Variants in CROCC2 observed in about 807,000 individuals in gnomAD.
CROCC2 encodes the protein ciliary rootlet coiled-coil, rootletin family member 2.
CROCC2 carries 163 observed loss-of-function variants against 177.6 expected under a neutral mutation model. The observed-to-expected ratio is 0.92, with a 90% confidence interval of 0.81 to 1.05. CROCC2 has a LOEUF of 1.05. Among genes scored for constraint, CROCC2 ranks in the 50% least tolerant of loss-of-function variants. The pLI is 0.00. For synonymous variants in CROCC2, 904 were observed against 787.3 expected, an observed-to-expected ratio of 1.15 and a Z score of -2.48; for missense variants, 1,929 against 1,797.8, an observed-to-expected ratio of 1.07 and a Z score of -1.32.
At chr2:240,964,931 G>A (rs1449231905) in intron 22 of CROCC2, among the ~76,000 whole-genome samples, 1 of 152,226 alleles carries the variant, frequency 6.6e-6, no homozygotes, top group Non-Finnish European at 1.5e-5. Flanking sequence ...AGCAGCACAC[G>A]GAAGTATCCT....
At chr2:240,984,328 G>A (rs1390012829) in intron 28 of CROCC2, among the ~76,000 whole-genome samples, 1 of 152,044 alleles carries the variant, frequency 6.6e-6, no homozygotes, top group Non-Finnish European at 1.5e-5. Flanking sequence ...CCATTCGCGG[G>A]GAGATGAGGG....
intron 1 of CROCC2, among the ~76,000 whole-genome samples, chr2:240,912,300 C>T (rs1214663539): frequency 6.6e-6 from 1 of 152,174 alleles, no homozygotes; most frequent in Non-Finnish European, 1.5e-5. Flanking sequence ...CGGGCACAGA[C>T]CCACAGTTTA....
intron 20 of CROCC2, chr2:240,963,165 G>T: frequency 4.8e-6 from 1 of 207,132 alleles, no homozygotes; most frequent in Non-Finnish European, 9.8e-6. Flanking sequence ...TGTCACCTAA[G>T]GAGAGGACTA....
chr2:240,959,520 G>A, intron 20 of CROCC2, 76 bp downstream of exon 20: 1 of 1,464,068 alleles, frequency 6.8e-7, no homozygotes, highest in Non-Finnish European at 9.2e-7. Context: ...AGAGAGGAGA[G>A]AGTGGGGGTG....
chr2:240,945,993 G>A, intron 14 of CROCC2, 67 bp from the exon 15 acceptor site: 1 of 1,250,498 alleles, frequency 8.0e-7, no homozygotes, highest in Non-Finnish European at 1.1e-6. Context: ...TTCCCCTCAA[G>A]AGGCCCATGC....
At chr2:240,928,676 G>A (rs1461431947) in intron 5 of CROCC2, among the ~76,000 whole-genome samples, 1 of 152,226 alleles carries the variant, frequency 6.6e-6, no homozygotes, top group Non-Finnish European at 1.5e-5. Context: ...GAGGCGGTGC[G>A]GCTGAAGCAA....
chr2:240,922,050 G>A (rs937883001), intron 3 of CROCC2, among the ~76,000 whole-genome samples: 21 of 152,306 alleles, frequency 1.4e-4, no homozygotes, highest in African/African-American at 5.1e-4. Flanking sequence ...AATCTCCAGG[G>A]GGCAGCCCCA....
intron 21 of CROCC2, chr2:240,964,211 G>C (rs2106479379): frequency 5.2e-6 from 3 of 575,514 alleles, no homozygotes; most frequent in South Asian, 4.1e-5. Context: ...TGACAGAGAG[G>C]GGGAGACAGG....
rs1348002805 is a variant in CROCC2, at chr2:240,960,019, C to T, written c.3087+575C>T. On this transcript the variant is annotated intron_variant, in intron 20 of 31. Transcript: ENST00000690015. This position sits in a 1 kb window ranked among gnomAD's most constrained non-coding sequence, Gnocchi z 5.0. ...CAGCCAAAGGCTCCAGGAGTCCAGC[C>T]GGCCCCCTCGTTCCACGCACAGTTA... Among the ~76,000 whole-genome samples, 4 of 152,254 alleles carry T rather than the reference C, an allele frequency of 2.6e-5. No homozygotes were observed. Among genetic ancestry groups the T allele is most frequent in the South Asian group, 4.1e-4 (2 of 4,838 alleles).
rs1395008820 is a variant in CROCC2 at position 240,918,274 on chromosome 2, T to C, written c.79-452T>C. Among the ~76,000 whole-genome samples the C allele has an allele frequency of 6.6e-6, 1 of 152,054 alleles. No individual in the cohort carries two copies. Among genetic ancestry groups the C allele is most frequent in the Non-Finnish European group, 1.5e-5 (1 of 67,992 alleles). On this transcript the variant is annotated intron_variant, in intron 1 of 31. Coordinates refer to ENST00000690015, the MANE Select transcript of CROCC2 (RefSeq NM_001351305.2). The surrounding 1 kb of genome is among the most constrained non-coding windows in gnomAD (Gnocchi z 6.3). ...CAAACACACTGGGCTCTGTGACTGC[T>C]GCGTGGGATCTAGGTCCCTCCTCTG...
chr2:240,913,490 C>A (rs182842470), intron 1 of CROCC2, among the ~76,000 whole-genome samples: 28 of 152,348 alleles, frequency 1.8e-4, no homozygotes, highest in African/African-American at 3.6e-4. Context: ...GTCTTCTGAG[C>A]AGGAGCAGTG....
At position 240,949,178 on chromosome 2, in the gene CROCC2, C is replaced by A; in HGVS notation, c.2482+81C>A. ...CCTGGAATGGAGCTCAGTGCCCACA[C>A]GTGCTGCACCCCCTCTCCGGAGCCC... On this transcript the variant is annotated intron_variant, in intron 16 of 31. Transcript: ENST00000690015. The surrounding 1 kb of genome is among the most constrained non-coding windows in gnomAD (Gnocchi z 4.5). 6.9e-7 allele frequency: 1 copy of A among 1,453,936 alleles called. No individual in the cohort carries two copies. The allele number at this position is 1,453,936 out of a possible 1,614,324, so 90.1% of individuals were successfully genotyped here.
chr2:240,993,093 CAGGGG>C lies in CROCC2; in HGVS notation c.*16_*20del. On this transcript the variant is annotated 3_prime_UTR_variant, in exon 32 of 32. Coordinates refer to ENST00000690015, the MANE Select transcript of CROCC2 (RefSeq NM_001351305.2). ...CCCAAAGGGACTGAAGCTCCCAGCA[CAGGGG>C]AGGCGCCCAGCGTGGCTGCAGAGGA... 1.4e-6 allele frequency: 1 copy of C among 716,904 alleles called. No individual in the cohort carries two copies. The allele number at this position is 716,904 out of a possible 1,614,324, so 44.4% of individuals were successfully genotyped here.
intron 1 of CROCC2, among the ~76,000 whole-genome samples, chr2:240,913,344 C>T (rs2059300042): frequency 6.6e-6 from 1 of 152,192 alleles, no homozygotes; most frequent in African/African-American, 2.4e-5. Context: ...TCCCACCTCC[C>T]CCAGGAAGCC....
chr2:240,925,915 C>G, intron 5 of CROCC2, 35 bp downstream of exon 5: 2 of 682,394 alleles, frequency 2.9e-6, no homozygotes, highest in Non-Finnish European at 5.5e-6. Context: ...TCATGGCGGC[C>G]GCCTGTCTGG....
chr2:240,935,903 T>C (rs1339019995), intron 14 of CROCC2, among the ~76,000 whole-genome samples: 3 of 152,256 alleles, frequency 2.0e-5, no homozygotes, highest in Non-Finnish European at 4.4e-5. Flanking sequence ...CTGTCTTGTT[T>C]CTCCCTGGTC....
chr2:240,927,861 G>A (rs2059403854), intron 5 of CROCC2, among the ~76,000 whole-genome samples: 1 of 152,338 alleles, frequency 6.6e-6, no homozygotes, highest in Middle Eastern at 3.4e-3. Context: ...ATGTTGACCA[G>A]GCTGGTCTCG....
intron 13 of CROCC2, 103 bp from the exon 14 acceptor site, chr2:240,935,255 G>A: frequency 8.1e-7 from 1 of 1,236,944 alleles, no homozygotes; most frequent in Non-Finnish European, 1.0e-6. Flanking sequence ...GGCCAGGCCT[G>A]AGGGAGGGAA....
intron 14 of CROCC2, among the ~76,000 whole-genome samples, chr2:240,940,949 TCC>T (rs1323429661): frequency 6.6e-6 from 1 of 152,066 alleles, no homozygotes; most frequent in African/African-American, 2.4e-5. Context: ...TAAAGACTCC[TCC>T]CAAAACCTCC....
Sources: gnomAD v4.1 joint callset for allele counts (sites outside exome capture counted in the v4.1 genomes callset) on GRCh38, gnomAD v4.1.1 for gene constraint, Gnocchi (gnomAD v3.1) non-coding constraint, MANE v1.5 for transcripts, NCBI Gene and HGNC (gene_info 2026-07-23, HGNC 2026-07-21) for gene names.